The following FILIP1L variants were observed in gnomAD, a reference collection of about 807,000 sequenced individuals.
FILIP1L encodes filamin A-interacting protein 1-like.
In FILIP1L, 55 loss-of-function variants were observed where a neutral mutation model predicts 96.6. That is an observed-to-expected ratio of 0.57 (90% CI 0.46 to 0.71). FILIP1L has a LOEUF of 0.71. Among genes scored for constraint, FILIP1L ranks in the 30% least tolerant of loss-of-function variants. The probability of loss-of-function intolerance (pLI) is 0.00; values close to 1 mark genes in which losing one functional copy is unlikely to be tolerated. For missense variants in FILIP1L, 1,304 were observed against 1,321.2 expected, an observed-to-expected ratio of 0.99 and a Z score of 0.20; for synonymous variants, 467 against 473.9, an observed-to-expected ratio of 0.99 and a Z score of 0.19.
At chr3:99,888,616 C>T (rs114970342) in intron 4 of FILIP1L, among the ~76,000 whole-genome samples, 1,716 of 152,274 alleles carry the variant, frequency 0.011, 17 homozygotes, top group African/African-American at 0.025. Context: ...GTTTTAGGTA[C>T]ACCCTCCTAA....
At chr3:99,966,667 A>G (rs1392374732) in intron 1 of FILIP1L, among the ~76,000 whole-genome samples, 1 of 152,212 alleles carries the variant, frequency 6.6e-6, no homozygotes, top group African/African-American at 2.4e-5. Context: ...TCAACCTTCA[A>G]ACTCTAGCAG....
chr3:100,073,479 A>C (rs1481775777), intron 1 of FILIP1L, among the ~76,000 whole-genome samples: 1 of 152,190 alleles, frequency 6.6e-6, no homozygotes, highest in Non-Finnish European at 1.5e-5. Context: ...GGTAGAGGAG[A>C]TTGCAGGGAA....
intron 1 of FILIP1L, among the ~76,000 whole-genome samples, chr3:99,931,403 T>C (rs1292775599): frequency 1.3e-5 from 2 of 152,192 alleles, no homozygotes; most frequent in African/African-American, 4.8e-5. Flanking sequence ...TATTGTAAAA[T>C]GGTGACTTTG....
chr3:100,103,652 C>T (rs1175145519), intron 1 of FILIP1L, among the ~76,000 whole-genome samples: 1 of 152,134 alleles, frequency 6.6e-6, no homozygotes. Context: ...TATTGGTTGC[C>T]AGCATTGCAC....
At chr3:100,084,477 A>C (rs2065976934) in intron 1 of FILIP1L, among the ~76,000 whole-genome samples, 2 of 152,228 alleles carry the variant, frequency 1.3e-5, no homozygotes, top group Non-Finnish European at 2.9e-5. Flanking sequence ...AAGAAAATGA[A>C]TAAAGCCTTT....
intron 1 of FILIP1L, among the ~76,000 whole-genome samples, chr3:100,036,205 A>G (rs1275049413): frequency 1.3e-5 from 2 of 152,214 alleles, no homozygotes; most frequent in Non-Finnish European, 2.9e-5. Flanking sequence ...AATCAATGAC[A>G]CCTTGTAGCA....
Position 99,849,410 on chromosome 3 carries a change from T to C in FILIP1L, c.2266A>G (p.Arg756Gly), listed in dbSNP as rs1343991857. Residue 756 changes from arginine to glycine, a missense_variant, in exon 5 of 6, where the codon AGG (arginine) becomes GGG (glycine). Arg to Gly is a moderately radical substitution (Grantham distance 125). Coordinates refer to ENST00000477258, the MANE Select transcript of FILIP1L (RefSeq NM_001387850.1). ...ATCTCTCTTCCTAAATCTCTGTTCC[T>C]GTTTTCTTGTTGATTTAGTTTTTTT... is the stretch of plus-strand genomic sequence containing the variant. The part of the protein sequence containing the change: ...LQKKLNQQEN[R>G]NRDLGREIEN... 1 of 1,614,216 alleles carries C rather than the reference T, an allele frequency of 6.2e-7. No individual in the cohort carries two copies. Among genetic ancestry groups the C allele is most frequent in the East Asian group, 2.2e-5 (1 of 44,882 alleles).
intron 1 of FILIP1L, among the ~76,000 whole-genome samples, chr3:99,963,405 G>C (rs1708550989): frequency 6.6e-6 from 1 of 152,104 alleles, no homozygotes; most frequent in Non-Finnish European, 1.5e-5. Flanking sequence ...GTAAAAATAA[G>C]AGTGGGCTGT....
chr3:100,030,031 G>A (rs1453206179), intron 1 of FILIP1L, among the ~76,000 whole-genome samples: 1 of 152,046 alleles, frequency 6.6e-6, no homozygotes, highest in Non-Finnish European at 1.5e-5. Context: ...AGCATGGAAT[G>A]GAAAGTATAG....
At chr3:99,926,288 T>A (rs994226257) in intron 3 of FILIP1L, among the ~76,000 whole-genome samples, 2 of 152,234 alleles carry the variant, frequency 1.3e-5, no homozygotes, top group African/African-American at 4.8e-5. Context: ...ACAAAATACT[T>A]CATTATGCCA....
chr3:99,929,086 C>G (rs1463562835), intron 3 of FILIP1L, among the ~76,000 whole-genome samples: 1 of 152,138 alleles, frequency 6.6e-6, no homozygotes, highest in Non-Finnish European at 1.5e-5. Context: ...AACTCATGTT[C>G]CTAGTTGTTT....
intron 1 of FILIP1L, among the ~76,000 whole-genome samples, chr3:99,975,285 G>A (rs1014401516): frequency 2.6e-5 from 4 of 152,170 alleles, no homozygotes; most frequent in Admixed American, 2.6e-4. Context: ...AGGAACTGTT[G>A]TAAGTGCTGT....
chr3:99,988,954 C>G lies in FILIP1L; in HGVS notation c.-10-57924G>C, dbSNP rs558602966. Among the ~76,000 whole-genome samples the G allele has an allele frequency of 2.0e-5, 3 of 152,290 alleles. No individual in the cohort carries two copies. The South Asian group carries it at 6.2e-4, about 32-fold the overall frequency. ...TTTTCAAATTTCTGTACGGAATTATCAGAAGTGTAGTGTGACTGTGTCTAT... is the reference window on the plus strand; with the variant it reads ...TTTTCAAATTTCTGTACGGAATTATGAGAAGTGTAGTGTGACTGTGTCTAT... On this transcript the variant is annotated intron_variant, in intron 1 of 5. Coordinates refer to ENST00000477258, the MANE Select transcript of FILIP1L (RefSeq NM_001387850.1).
At chr3:99,932,465 C>T (rs768165545) in intron 1 of FILIP1L, among the ~76,000 whole-genome samples, 91 of 151,860 alleles carry the variant, frequency 6.0e-4, no homozygotes, top group Non-Finnish European at 7.2e-4. Context: ...TTTACTTGTT[C>T]ATTTTACTGT....
Position 99,850,957 on chromosome 3 carries a change from A to C in FILIP1L, c.719T>G (p.Leu240Trp), listed in dbSNP as rs1943663831. The stretch of plus-strand genomic sequence containing the variant: ...CCTTTGCTGTTCATCCACCACCATC[A>C]AAGCAAAAGACTTCAGCTTGGTCAG... ...EELTKLKSFA[L>W]MVVDEQQRLT... The change falls in exon 5 of 6, where the codon TTG becomes TGG. Residue 240 changes from leucine (L) to tryptophan (W), a missense_variant. By Grantham distance (61) the Leu-to-Trp change is moderately conservative. Coordinates refer to ENST00000477258, the MANE Select transcript of FILIP1L (RefSeq NM_001387850.1). The C allele has an allele frequency of 6.2e-7, 1 of 1,614,116 alleles. No homozygotes were observed. Among genetic ancestry groups the C allele is most frequent in the South Asian group, 1.1e-5 (1 of 91,078 alleles).
intron 1 of FILIP1L, among the ~76,000 whole-genome samples, chr3:99,936,820 T>A (rs1191437948): frequency 6.6e-6 from 1 of 152,100 alleles, no homozygotes; most frequent in Non-Finnish European, 1.5e-5. Context: ...AAGATATACA[T>A]AGTAAAGGAA....
intron 1 of FILIP1L, among the ~76,000 whole-genome samples, chr3:100,015,235 A>G (rs542931841): frequency 6.6e-6 from 1 of 151,878 alleles, no homozygotes; most frequent in Admixed American, 6.6e-5. Flanking sequence ...GCTCTCTGTT[A>G]TGTTCCCTTG....
intron 4 of FILIP1L, among the ~76,000 whole-genome samples, chr3:99,864,092 A>G (rs1482995519): frequency 6.6e-6 from 1 of 152,250 alleles, no homozygotes; most frequent in African/African-American, 2.4e-5. Context: ...GGTATGGAAG[A>G]CATATACTTT....
intron 1 of FILIP1L, among the ~76,000 whole-genome samples, chr3:99,961,877 A>C (rs1708503072): frequency 6.8e-6 from 1 of 146,818 alleles, no homozygotes; most frequent in Non-Finnish European, 1.5e-5. Context: ...CCGGGTATGC[A>C]TTAGACACAG....
Sources: gnomAD v4.1 joint callset for allele counts (sites outside exome capture counted in the v4.1 genomes callset) on GRCh38, gnomAD v4.1.1 for gene constraint, MANE v1.5 for transcripts, NCBI Gene and HGNC (gene_info 2026-07-23, HGNC 2026-07-21) for gene names.